Variants in ADARB2 observed in about 807,000 individuals in gnomAD.
The protein encoded by ADARB2 is inactive double-stranded RNA-specific editase B2.
A neutral mutation model predicts 62.2 loss-of-function variants in ADARB2; 25 were observed. That is an observed-to-expected ratio of 0.40 (90% CI 0.29 to 0.56). The LOEUF (loss-of-function observed/expected upper bound fraction) is 0.56. Ranked by LOEUF, ADARB2 falls within the 20% of genes least tolerant of loss-of-function variation. The pLI, the probability that ADARB2 is intolerant of heterozygous loss-of-function variation, is 0.43. For synonymous variants in ADARB2, 572 were observed against 500.8 expected, an observed-to-expected ratio of 1.14 and a Z score of -1.90; for missense variants, 1,071 against 1,077.4, an observed-to-expected ratio of 0.99 and a Z score of 0.08.
In ADARB2 at chr10:1,697,389, A is replaced by G. The variant is rs138242501; in HGVS notation, c.100+39662T>C. ...ATGCCAGCAAGTCAGTAGTGTGAACATTGACTGAACACTGAGCGAGACAGA... is the reference window on the plus strand; with the variant it reads ...ATGCCAGCAAGTCAGTAGTGTGAACGTTGACTGAACACTGAGCGAGACAGA... On this transcript the variant is annotated intron_variant, in intron 1 of 9. Transcript: ENST00000381312. Among the ~76,000 whole-genome samples the G allele has an allele frequency of 6.9e-3, 1,057 of 152,322 alleles. 4 individuals are homozygous for G. Among genetic ancestry groups the G allele is most frequent in the Non-Finnish European group, 0.011 (754 of 68,024 alleles).
At chr10:1,729,688 G>T (rs1466961323) in intron 1 of ADARB2, among the ~76,000 whole-genome samples, 3 of 152,142 alleles carry the variant, frequency 2.0e-5, no homozygotes, top group African/African-American at 7.2e-5. Flanking sequence ...GAGCTCTCCT[G>T]CTATGGGTCT....
At chr10:1,689,566 A>G (rs576278180) in intron 1 of ADARB2, among the ~76,000 whole-genome samples, 2 of 152,252 alleles carry the variant, frequency 1.3e-5, no homozygotes, top group Admixed American at 1.3e-4. Context: ...ACCCTCAACA[A>G]CACTTCCTAG....
intron 8 of ADARB2, among the ~76,000 whole-genome samples, chr10:1,186,841 G>T (rs1383439027): frequency 2.0e-5 from 3 of 152,182 alleles, no homozygotes; most frequent in Non-Finnish European, 4.4e-5. Flanking sequence ...GTGCGAGTGG[G>T]TTCCCGCCAT....
At position 1,363,838 on chromosome 10, in the gene ADARB2, G is replaced by A. The variant is rs1296393903; in HGVS notation, c.267C>T (p.Ala89=). The A allele has an allele frequency of 2.6e-6, 4 of 1,560,174 alleles. No individual in the cohort carries two copies. In the South Asian group the frequency reaches 3.5e-5, roughly 14 times the overall value. Residue 89 remains alanine, a synonymous_variant, in exon 3 of 10, where the codon GCC becomes GCT. Transcript: ENST00000381312. ...AARPPPSGDR[A]RGGAPGAKRK... ...TCTTCGCGCCGGGCGCGCCGCCCCGGGCCCGGTCCCCGGAGGGCGGTGGCC... is the reference window on the plus strand; with the variant it reads ...TCTTCGCGCCGGGCGCGCCGCCCCGAGCCCGGTCCCCGGAGGGCGGTGGCC...
chr10:1,506,814 G>A (rs1831858537), intron 1 of ADARB2, among the ~76,000 whole-genome samples: 1 of 152,252 alleles, frequency 6.6e-6, no homozygotes, highest in African/African-American at 2.4e-5. Context: ...TTTGGGAGGT[G>A]ATTGGGTCAT....
At chr10:1,562,639 C>A (rs1267017795) in intron 1 of ADARB2, among the ~76,000 whole-genome samples, 4 of 151,614 alleles carry the variant, frequency 2.6e-5, no homozygotes, top group Non-Finnish European at 5.9e-5. Flanking sequence ...GAGAATGACA[C>A]CCCCCTGGTT....
chr10:1,350,583 T>C (rs984856248), intron 3 of ADARB2, among the ~76,000 whole-genome samples: 2 of 152,216 alleles, frequency 1.3e-5, no homozygotes, highest in African/African-American at 4.8e-5. Context: ...TCAGGGTTAA[T>C]GCTCCTTTTC....
In ADARB2 at chr10:1,391,766, ATTTTTT is replaced by A. The variant is rs60956446; in HGVS notation, c.101-12612_101-12607del. 4.7e-3 allele frequency among the ~76,000 whole-genome samples: 434 copies of A among 91,646 alleles called. 1 individual carries two copies. The highest frequency in any genetic ancestry group is 0.017 in the African/African-American group (396 of 22,890). 60.1% of individuals were successfully genotyped at this position (91,646 alleles called of 152,430 possible). A position where few individuals can be genotyped will look rare whatever the true frequency, so the allele number is the denominator to read the frequency against. On this transcript the variant is annotated intron_variant, in intron 1 of 9. Transcript: ENST00000381312. ...AACTGCCAGGATGTCTAAGAATTGG[ATTTTTT>A]TTTTTTTTTTTTTTTTTTGTGAGAC...
In ADARB2 at chr10:1,510,098, T is replaced by TCTTTCTC. The variant is rs1278546139; in HGVS notation, c.101-130939_101-130938insGAGAAAG. On this transcript the variant is annotated intron_variant, in intron 1 of 9. Coordinates refer to ENST00000381312, the MANE Select transcript of ADARB2 (RefSeq NM_018702.4). Reference sequence around the variant, plus strand: ...CTTTCTCTTTCTCTCTCTCTCTCTTTTCTTTCTTTCTCTCTTTCTTTCTTT... The same window carrying TCTTTCTC: ...CTTTCTCTTTCTCTCTCTCTCTCTTTCTTTCTCTCTTTCTTTCTCTCTTTCTTTCTTT... 5.3e-3 allele frequency among the ~76,000 whole-genome samples: 647 copies of TCTTTCTC among 121,092 alleles called. 5 individuals carry two copies. The highest frequency in any genetic ancestry group is 0.026 in the Admixed American group (252 of 9,660). 79.4% of individuals were successfully genotyped at this position (121,092 alleles called of 152,430 possible).
chr10:1,200,441 A>AT, intron 7 of ADARB2: 2 of 470,058 alleles, frequency 4.3e-6, no homozygotes, highest in Non-Finnish European at 7.5e-6. Flanking sequence ...TTAGAATTAG[A>AT]TTTTTTTAAA....
At chr10:1,541,123 CGCA>C in intron 1 of ADARB2, among the ~76,000 whole-genome samples, 1 of 87,794 alleles carries the variant, frequency 1.1e-5, no homozygotes. Context: ...CCCACTCAGA[CGCA>C]GTTCAGACCC....
intron 1 of ADARB2, among the ~76,000 whole-genome samples, chr10:1,665,359 C>T (rs1834302588): frequency 6.6e-6 from 1 of 152,240 alleles, no homozygotes; most frequent in African/African-American, 2.4e-5. Flanking sequence ...GGGGGAGACG[C>T]CACAGAAACA....
chr10:1,314,580 C>A (rs202021399), intron 3 of ADARB2, among the ~76,000 whole-genome samples: 14 of 152,188 alleles, frequency 9.2e-5, no homozygotes, highest in Admixed American at 2.6e-4. Flanking sequence ...GCCTTCCGGC[C>A]GCTTCTGACC....
chr10:1,636,548 G>T (rs1371361947), intron 1 of ADARB2, among the ~76,000 whole-genome samples: 2 of 151,990 alleles, frequency 1.3e-5, no homozygotes, highest in Admixed American at 1.3e-4. Context: ...ATGTAATGTG[G>T]GGGGAGGCTC....
chr10:1,320,185 C>A (rs970995274), intron 3 of ADARB2, among the ~76,000 whole-genome samples: 3 of 152,186 alleles, frequency 2.0e-5, no homozygotes, highest in Non-Finnish European at 2.9e-5. Flanking sequence ...AAGTTGAGTC[C>A]CTCCCATGAG....
intron 1 of ADARB2, among the ~76,000 whole-genome samples, chr10:1,524,074 A>AT (rs953458316): frequency 2.6e-5 from 4 of 151,924 alleles, no homozygotes; most frequent in Non-Finnish European, 5.9e-5. Context: ...AGATAGATAG[A>AT]TAGATAGATA....
Position 1,190,208 on chromosome 10 carries a change from C to T in ADARB2, c.1865-5169G>A, listed in dbSNP as rs1836822985. ...AGAAACGCGTCCTCCCAAGAAATTGCACACAGATACCCCAGTGCTGTGGAC... is the reference window on the plus strand; with the variant it reads ...AGAAACGCGTCCTCCCAAGAAATTGTACACAGATACCCCAGTGCTGTGGAC... On this transcript the variant is annotated intron_variant, in intron 8 of 9. Coordinates refer to ENST00000381312, the MANE Select transcript of ADARB2 (RefSeq NM_018702.4). Among the ~76,000 whole-genome samples the T allele has an allele frequency of 3.3e-5, 5 of 152,104 alleles. No individual in the cohort carries two copies. The South Asian group carries it at 1.0e-3, about 31-fold the overall frequency.
At chr10:1,369,660 T>C (rs4880500) in intron 2 of ADARB2, among the ~76,000 whole-genome samples, 126,221 of 152,078 alleles carry the variant, frequency 0.83, 56,480 homozygotes, top group Non-Finnish European at 0.98. Flanking sequence ...ATAAAATACA[T>C]TTTAAAAAGT....
At position 1,363,341 on chromosome 10, in the gene ADARB2, C is replaced by T. The variant is rs1367659839; in HGVS notation, c.764G>A (p.Arg255Gln). 24 of 1,247,934 alleles carry T rather than the reference C, an allele frequency of 1.9e-5. No homozygotes were observed. The Admixed American group carries it at 1.0e-3, about 54-fold the overall frequency. 77.3% of individuals were successfully genotyped at this position (1,247,934 alleles called of 1,614,324 possible). A position where few individuals can be genotyped will look rare whatever the true frequency, so the allele number is the denominator to read the frequency against. ...ALLSAAYGRRRLLCRALDLVG... is the reference protein window; with the variant it reads ...ALLSAAYGRRQLLCRALDLVG... ...CAGGTCCAGCGCGCGGCACAGCAGCCGCCGTCGCCCGTAGGCCGCGGACAG... is the reference window on the plus strand; with the variant it reads ...CAGGTCCAGCGCGCGGCACAGCAGCTGCCGTCGCCCGTAGGCCGCGGACAG... Residue 255 changes from arginine (R) to glutamine (Q), a missense_variant, in exon 3 of 10, where the codon CGG becomes CAG. Arg to Gln is a conservative substitution (Grantham distance 43). Coordinates refer to ENST00000381312, the MANE Select transcript of ADARB2 (RefSeq NM_018702.4).
Sources: allele counts gnomAD v4.1 joint callset (sites outside exome capture counted in the v4.1 genomes callset), GRCh38; gene constraint gnomAD v4.1.1; transcripts MANE v1.5; gene names NCBI Gene and HGNC (gene_info 2026-07-23, HGNC 2026-07-21).